The following IHO1 variants were observed in gnomAD, a reference collection of about 807,000 sequenced individuals.
The protein encoded by IHO1 is interactor of HORMAD1 protein 1.
A neutral mutation model predicts 31.0 loss-of-function variants in IHO1; 13 were observed. The ratio of observed to expected loss-of-function variants is 0.42; its 90% CI spans 0.27 to 0.67. The LOEUF (loss-of-function observed/expected upper bound fraction) is 0.67, where lower values mean the gene tolerates loss of function less well. Among genes scored for constraint, IHO1 ranks in the 30% least tolerant of loss-of-function variants. The pLI, the probability that IHO1 is intolerant of heterozygous loss-of-function variation, is 0.24. For missense variants in IHO1, 599 were observed against 687.5 expected (o/e 0.87, Z 1.44); for synonymous variants, 221 against 248.4 (o/e 0.89, Z 1.04).
chr3:49,245,086 C>T, intron 6 of IHO1: 3 of 505,626 alleles, frequency 5.9e-6, no homozygotes, highest in South Asian at 3.9e-5. Context: ...TCTATAGACA[C>T]TGACTGCCCC....
intron 1 of IHO1, chr3:49,200,475 A>AAAAAAAGAAAGAAAGAAAGAAAGAAAG (rs1553615439): frequency 3.9e-5 from 4 of 103,858 alleles, no homozygotes; most frequent in African/African-American, 2.4e-4. Flanking sequence ...AAAAAAAAAA[A>AAAAAAAGAAAGAAAGAAAGAAAGAAAG]AAAGAAAGAA....
chr3:49,240,614 C>T (rs2046619338), intron 3 of IHO1, among the ~76,000 whole-genome samples: 1 of 152,178 alleles, frequency 6.6e-6, no homozygotes, highest in African/African-American at 2.4e-5. Flanking sequence ...ACCTCGGCCT[C>T]CCAAACAAAG....
chr3:49,201,258 G>T (rs2046066272), intron 1 of IHO1, among the ~76,000 whole-genome samples: 2 of 151,708 alleles, frequency 1.3e-5, no homozygotes, highest in South Asian at 4.2e-4. Context: ...CTCCCAAAGT[G>T]CTGGGATTAC....
chr3:49,245,148 T>C (rs1041984384), intron 6 of IHO1: 2 of 385,486 alleles, frequency 5.2e-6, no homozygotes, highest in African/African-American at 2.0e-5. Context: ...CTGCCTTGGT[T>C]TCAGTGAGAG....
At chr3:49,251,890 C>T (rs958658365) in intron 6 of IHO1, among the ~76,000 whole-genome samples, 26 of 151,720 alleles carry the variant, frequency 1.7e-4, no homozygotes, top group Admixed American at 1.4e-3. Flanking sequence ...GCGGAGCTAC[C>T]GTGCCTGGCC....
At chr3:49,224,349 C>T (rs1034041891) in intron 2 of IHO1, among the ~76,000 whole-genome samples, 21 of 152,174 alleles carry the variant, frequency 1.4e-4, no homozygotes, top group Admixed American at 2.0e-4. Context: ...GCCTTTTCTC[C>T]CTCACCTTTC....
At chr3:49,201,437 A>G (rs1371464347) in intron 1 of IHO1, among the ~76,000 whole-genome samples, 1 of 151,982 alleles carries the variant, frequency 6.6e-6, no homozygotes, top group African/African-American at 2.4e-5. Flanking sequence ...AGTCTGGCCA[A>G]CATGGTGAAA....
intron 6 of IHO1, among the ~76,000 whole-genome samples, chr3:49,252,586 T>G (rs1235529193): frequency 6.6e-6 from 1 of 152,132 alleles, no homozygotes; most frequent in South Asian, 2.1e-4. Flanking sequence ...ACCCAGCTAA[T>G]TTTTATTTTT....
At chr3:49,194,012 G>A (rs1363035784), upstream of IHO1, among the ~76,000 whole-genome samples, 4 of 149,556 alleles carry the variant, frequency 2.7e-5, no homozygotes, top group Non-Finnish European at 4.4e-5. Flanking sequence ...GCTCACGTCT[G>A]TAGCCCCAGC....
At chr3:49,204,828 G>T (rs1489392804) in intron 1 of IHO1, among the ~76,000 whole-genome samples, 1 of 151,946 alleles carries the variant, frequency 6.6e-6, no homozygotes, top group Non-Finnish European at 1.5e-5. Context: ...TTGAAGATCA[G>T]CCTGGCCAAT....
chr3:49,230,059 G>A (rs896947089), intron 2 of IHO1, among the ~76,000 whole-genome samples: 10 of 152,128 alleles, frequency 6.6e-5, no homozygotes, highest in Admixed American at 2.6e-4. Context: ...TTTTGATGGC[G>A]GACATTGTTA....
At chr3:49,196,827 C>T (rs1458530582), upstream of IHO1, among the ~76,000 whole-genome samples, 3 of 151,920 alleles carry the variant, frequency 2.0e-5, no homozygotes, top group African/African-American at 4.8e-5. Flanking sequence ...CCCACCACCA[C>T]GCCTGGCTAA....
chr3:49,257,302 T>C lies in IHO1; in HGVS notation c.*20T>C. ...TTCTGACCAGTCCACAGTTGATTTA[T>C]TGGTCTCAGCTAGAAAGAGAAATTG... On this transcript the variant is annotated 3_prime_UTR_variant, in exon 8 of 8. Coordinates refer to ENST00000452691, the MANE Select transcript of IHO1 (RefSeq NM_001135197.2). The C allele has an allele frequency of 6.2e-6, 10 of 1,603,958 alleles. No homozygotes were observed. The highest frequency in any genetic ancestry group is 8.5e-6 in the Non-Finnish European group (10 of 1,173,864).
chr3:49,232,490 G>A (rs183297590), intron 2 of IHO1, among the ~76,000 whole-genome samples: 821 of 152,306 alleles, frequency 5.4e-3, no homozygotes, highest in Non-Finnish European at 8.3e-3. Flanking sequence ...TGGGGTAGTG[G>A]TTATGCTTGT....
chr3:49,215,278 T>G (rs1422856014), intron 2 of IHO1, among the ~76,000 whole-genome samples: 1 of 152,058 alleles, frequency 6.6e-6, no homozygotes, highest in African/African-American at 2.4e-5. Context: ...TTGGGACTCC[T>G]GACCTCAGGT....
At chr3:49,212,896 G>A (rs934217331) in intron 2 of IHO1, among the ~76,000 whole-genome samples, 5 of 152,150 alleles carry the variant, frequency 3.3e-5, no homozygotes, top group East Asian at 1.9e-4. Context: ...CTGCTGGCTC[G>A]GGCATCCTCC....
chr3:49,219,579 T>TA, intron 2 of IHO1, among the ~76,000 whole-genome samples: 1 of 152,200 alleles, frequency 6.6e-6, no homozygotes, highest in East Asian at 1.9e-4. Flanking sequence ...CACTCTATAT[T>TA]TCTGTGTGTG....
chr3:49,253,581 T>G (rs1160547507), intron 6 of IHO1, among the ~76,000 whole-genome samples: 1 of 152,118 alleles, frequency 6.6e-6, no homozygotes. Flanking sequence ...TCAATTCCTC[T>G]GTTTGGAACG....
chr3:49,205,321 C>A (rs1005678295), intron 1 of IHO1, among the ~76,000 whole-genome samples: 1 of 151,454 alleles, frequency 6.6e-6, no homozygotes, highest in African/African-American at 2.4e-5. Context: ...GTGAGGGCGA[C>A]CAGAGGTCAC....
Sources: gnomAD v4.1 joint callset for allele counts (sites outside exome capture counted in the v4.1 genomes callset) on GRCh38, gnomAD v4.1.1 for gene constraint, MANE v1.5 for transcripts, NCBI Gene and HGNC (gene_info 2026-07-23, HGNC 2026-07-21) for gene names.